The following AK9 variants were observed in gnomAD, a reference collection of about 807,000 sequenced individuals.
AK9 encodes adenylate kinase domain containing 1.
A neutral mutation model predicts 239.6 loss-of-function variants in AK9; 191 were observed. That is an observed-to-expected ratio of 0.80 (90% CI 0.71 to 0.90). AK9 has a LOEUF of 0.90. Ranked by LOEUF, AK9 falls within the 40% of genes least tolerant of loss-of-function variation. AK9 has a pLI of 0.00. For missense variants in AK9, 1,995 were observed against 2,214.7 expected (o/e 0.90, Z 1.99); for synonymous variants, 689 against 721.0 (o/e 0.96, Z 0.71).
chr6:109,505,942 T>C (rs1778075931), intron 35 of AK9, among the ~76,000 whole-genome samples: 1 of 152,164 alleles, frequency 6.6e-6, no homozygotes. Context: ...AGAGGCACTG[T>C]TCCTCATAGA....
At chr6:109,679,005 G>A (rs183797100) in intron 1 of AK9, among the ~76,000 whole-genome samples, 517 of 152,294 alleles carry the variant, frequency 3.4e-3, no homozygotes, top group African/African-American at 0.012. Context: ...CCAGGGCCCT[G>A]GGTTTCAAGC....
At chr6:109,670,000 A>G (rs112648473) in intron 5 of AK9, among the ~76,000 whole-genome samples, 1,590 of 152,316 alleles carry the variant, frequency 0.01, 26 homozygotes, top group African/African-American at 0.037. Context: ...TCCTAGGACA[A>G]GTATCGGCAT....
intron 38 of AK9, among the ~76,000 whole-genome samples, chr6:109,495,846 T>C: frequency 6.6e-6 from 1 of 151,896 alleles, no homozygotes; most frequent in South Asian, 2.1e-4. Flanking sequence ...TGAGACCAGG[T>C]CCCTTGGTCC....
chr6:109,639,280 T>C (rs1382950766), intron 10 of AK9, among the ~76,000 whole-genome samples: 2 of 152,224 alleles, frequency 1.3e-5, no homozygotes, highest in Non-Finnish European at 1.5e-5. Flanking sequence ...GGTGTAAAAG[T>C]GTTCCTATTT....
At chr6:109,631,379 G>T (rs2128269775) in intron 12 of AK9, among the ~76,000 whole-genome samples, 1 of 152,170 alleles carries the variant, frequency 6.6e-6, no homozygotes, top group African/African-American at 2.4e-5. Flanking sequence ...AAACACTTGA[G>T]AAAACACTTC....
In AK9 at chr6:109,542,084, C is replaced by G. The variant is rs1290977405; in HGVS notation, c.3313G>C (p.Val1105Leu). ...NEPLPPEILE[V>L]ILSEWWLKEP... ...TTAAGCCACCACTCAGAAAGAATTA[C>G]TTCAAGAATTTCAGGAGGCAAGGGC... The change falls in exon 27 of 41, where the codon GTA becomes CTA. Residue 1105 changes from valine to leucine, a missense_variant. Transcript: ENST00000424296. The G allele has an allele frequency of 6.2e-7, 1 of 1,606,928 alleles. No homozygotes were observed. The highest frequency in any genetic ancestry group is 8.5e-7 in the Non-Finnish European group (1 of 1,174,604).
chr6:109,497,880 G>T lies in AK9; in HGVS notation c.5132C>A (p.Thr1711Lys). The change falls in exon 37 of 41, where the codon ACA (threonine) becomes AAA (lysine). Residue 1711 changes from threonine (T) to lysine (K), a missense_variant. Transcript: ENST00000424296. ...PSADMIPKRL[T>K]LSELKSRFPK... ...GAATCGACTCTTCAGCTCTGACAGTGTCAGTCTTTTGGGGATCATGTCAGC... is the reference window on the plus strand; with the variant it reads ...GAATCGACTCTTCAGCTCTGACAGTTTCAGTCTTTTGGGGATCATGTCAGC... 1 of 1,614,040 alleles carries T rather than the reference G, an allele frequency of 6.2e-7. No homozygotes were observed. Among genetic ancestry groups the T allele is most frequent in the South Asian group, 1.1e-5 (1 of 91,074 alleles).
chr6:109,597,417 A>T (rs1015727129), intron 17 of AK9, among the ~76,000 whole-genome samples: 3 of 152,162 alleles, frequency 2.0e-5, no homozygotes, highest in African/African-American at 7.2e-5. Flanking sequence ...TCATGCCTGT[A>T]ATCCCAGCAC....
At chr6:109,626,312 T>C (rs1795520672) in intron 12 of AK9, among the ~76,000 whole-genome samples, 1 of 152,234 alleles carries the variant, frequency 6.6e-6, no homozygotes, top group Non-Finnish European at 1.5e-5. Context: ...GGCCAGTTTC[T>C]ATTGTCTCCT....
rs529670344 is a variant in AK9 at position 109,633,055 on chromosome 6, T to C, written c.1122A>G (p.Pro374=). The C allele has an allele frequency of 3.8e-6, 6 of 1,559,152 alleles. No individual in the cohort carries two copies. In the South Asian group the frequency reaches 7.5e-5, roughly 19 times the overall value. Residue 374 remains proline, a synonymous_variant, in exon 12 of 41, where the codon CCA becomes CCG. Transcript: ENST00000424296. The part of the protein sequence containing the change: ...YCLSSEEALK[P]FLLNPRPYLL... The stretch of plus-strand genomic sequence containing the variant: ...GATAGGGACGTGGGTTCAACAAAAA[T>C]GGTTTTAATGCTTCTTCTGATGAAA...
chr6:109,643,951 T>C (rs1227076008), intron 9 of AK9, among the ~76,000 whole-genome samples: 1 of 152,180 alleles, frequency 6.6e-6, no homozygotes, highest in Non-Finnish European at 1.5e-5. Context: ...CTTACCAGAC[T>C]AGGTTTTGTC....
intron 1 of AK9, among the ~76,000 whole-genome samples, chr6:109,685,153 T>C (rs915593372): frequency 1.3e-5 from 2 of 152,020 alleles, no homozygotes; most frequent in Non-Finnish European, 2.9e-5. Flanking sequence ...AGTTCAACCA[T>C]TGTGGAAGAC....
In AK9 at chr6:109,619,072, A is replaced by G; in HGVS notation, c.1399+20T>C. The G allele has an allele frequency of 6.5e-7, 1 of 1,528,440 alleles. No individual in the cohort carries two copies. Among genetic ancestry groups the G allele is most frequent in the South Asian group, 1.3e-5 (1 of 79,404 alleles). 94.7% of individuals were successfully genotyped at this position (1,528,440 alleles called of 1,614,324 possible). A position where few individuals can be genotyped will look rare whatever the true frequency, so the allele number is the denominator to read the frequency against. On this transcript the variant is annotated intron_variant, in intron 13 of 40. Transcript: ENST00000424296. ...ATTTTTACCTAAACTTAAAACACAC[A>G]TTTTAAAAAGATGTTTCACCTTGTT...
chr6:109,645,127 C>T (rs1797881923), intron 8 of AK9, among the ~76,000 whole-genome samples: 1 of 152,210 alleles, frequency 6.6e-6, no homozygotes, highest in Admixed American at 6.5e-5. Flanking sequence ...CGGTCTACAG[C>T]TCCCAGCGTG....
chr6:109,579,675 T>A (rs1195040304), intron 19 of AK9, 49 bp from the exon 20 acceptor site: 1 of 1,459,266 alleles, frequency 6.9e-7, no homozygotes, highest in Admixed American at 2.0e-5. Flanking sequence ...TTCAGACTTC[T>A]CACACTATTA....
chr6:109,624,635 T>C (rs984724412), intron 12 of AK9, among the ~76,000 whole-genome samples: 13 of 152,182 alleles, frequency 8.5e-5, no homozygotes, highest in African/African-American at 3.1e-4. Context: ...TTACAGAAGC[T>C]TCTGGATCTT....
At chr6:109,499,020 A>G in intron 36 of AK9, 24 bp downstream of exon 36, 1 of 1,473,696 alleles carries the variant, frequency 6.8e-7, no homozygotes, top group South Asian at 1.4e-5. Context: ...TTTAGTAAAT[A>G]TTTGGAGTTA....
At chr6:109,681,147 C>T (rs1435129041) in intron 1 of AK9, among the ~76,000 whole-genome samples, 1 of 152,164 alleles carries the variant, frequency 6.6e-6, no homozygotes, top group Non-Finnish European at 1.5e-5. Flanking sequence ...AAGACACAGA[C>T]TGGCAAACTG....
chr6:109,682,002 G>A (rs1374928668), intron 1 of AK9, among the ~76,000 whole-genome samples: 7 of 152,116 alleles, frequency 4.6e-5, no homozygotes, highest in African/African-American at 1.4e-4. Context: ...ATCTAAAATT[G>A]ACACCCTAAC....
Sources: gnomAD v4.1 joint callset for allele counts (sites outside exome capture counted in the v4.1 genomes callset) on GRCh38, gnomAD v4.1.1 for gene constraint, MANE v1.5 for transcripts, NCBI Gene and HGNC (gene_info 2026-07-23, HGNC 2026-07-21) for gene names.